Variants in BAG4 observed in about 807,000 individuals in gnomAD.
The protein encoded by BAG4 is BAG cochaperone 4.
A neutral mutation model predicts 52.1 loss-of-function variants in BAG4; 28 were observed. The ratio of observed to expected loss-of-function variants is 0.54; its 90% CI spans 0.40 to 0.74. The LOEUF (loss-of-function observed/expected upper bound fraction) is 0.74. Among genes scored for constraint, BAG4 ranks in the 30% least tolerant of loss-of-function variants. The pLI, the probability that BAG4 is intolerant of heterozygous loss-of-function variation, is 0.00. For synonymous variants in BAG4, 208 were observed against 217.0 expected (o/e 0.96, Z 0.37); for missense variants, 525 against 572.0 (o/e 0.92, Z 0.84).
At chr8:38,209,323 T>G (rs1217951659) in intron 4 of BAG4, 56 bp downstream of exon 4, 1 of 1,606,408 alleles carries the variant, frequency 6.2e-7, no homozygotes, top group South Asian at 1.1e-5. Context: ...GAACATAACA[T>G]GGTTTATATA....
At chr8:38,182,985 A>G (rs4537271) in intron 1 of BAG4, among the ~76,000 whole-genome samples, 35,672 of 149,446 alleles carry the variant, frequency 0.24, 4,438 homozygotes, top group East Asian at 0.31. Context: ...ATACAATTAC[A>G]TAACCACCAC....
chr8:38,195,908 A>AT (rs1420628194), intron 2 of BAG4, among the ~76,000 whole-genome samples: 2 of 152,234 alleles, frequency 1.3e-5, no homozygotes, highest in East Asian at 3.9e-4. Context: ...TTGAAATGTC[A>AT]TTACTCCCTC....
chr8:38,188,769 T>A (rs1803417696), intron 1 of BAG4, among the ~76,000 whole-genome samples: 1 of 151,264 alleles, frequency 6.6e-6, no homozygotes, highest in Non-Finnish European at 1.5e-5. Flanking sequence ...TACTTTAATA[T>A]CAGCTTTTTA....
chr8:38,207,771 G>A lies in BAG4; in HGVS notation c.633+5G>A. On this transcript the variant is annotated splice_donor_5th_base_variant and intron_variant, in intron 3 of 4. Transcript: ENST00000287322. The stretch of plus-strand genomic sequence containing the variant: ...CCAGGATATCCGCCTTCACAGGTGA[G>A]TTGTTTTCTATTGGGAAAAAAATGA... The A allele has an allele frequency of 3.1e-6, 5 of 1,613,388 alleles. No homozygotes were observed. The South Asian group carries it at 5.5e-5, about 18-fold the overall frequency.
chr8:38,186,460 AG>A (rs1209745386), intron 1 of BAG4, among the ~76,000 whole-genome samples: 1 of 152,224 alleles, frequency 6.6e-6, no homozygotes, highest in Non-Finnish European at 1.5e-5. Flanking sequence ...GGAGAAGCTC[AG>A]GAGTGTGGAG....
rs529728815 is a variant in BAG4 at position 38,181,042 on chromosome 8, G to A, written c.270+3903G>A. Among the ~76,000 whole-genome samples the A allele has an allele frequency of 8.6e-5, 13 of 150,770 alleles. No individual in the cohort carries two copies. In the East Asian group the frequency reaches 2.0e-3, roughly 23 times the overall value. On this transcript the variant is annotated intron_variant, in intron 1 of 4. Transcript: ENST00000287322. ...CGCAAGCTCCGCCTCTTGGGTTCAC[G>A]CCCTTCTCCTGCCTCAGCCTCCCGA... is the stretch of plus-strand genomic sequence containing the variant.
intron 1 of BAG4, among the ~76,000 whole-genome samples, chr8:38,186,872 A>G (rs1461428388): frequency 2.0e-5 from 3 of 152,254 alleles, no homozygotes; most frequent in African/African-American, 7.2e-5. Context: ...CTAATGAGCA[A>G]TATCACATAC....
At chr8:38,200,766 T>C (rs987960221) in intron 2 of BAG4, among the ~76,000 whole-genome samples, 1 of 152,008 alleles carries the variant, frequency 6.6e-6, no homozygotes, top group Non-Finnish European at 1.5e-5. Context: ...GCCCGGCTAA[T>C]TTTGTATTTT....
At chr8:38,188,712 T>C (rs1803416812) in intron 1 of BAG4, among the ~76,000 whole-genome samples, 2 of 146,050 alleles carry the variant, frequency 1.4e-5, no homozygotes, top group Non-Finnish European at 3.0e-5. Context: ...TATATGTATA[T>C]ATATATAAAA....
intron 1 of BAG4, among the ~76,000 whole-genome samples, chr8:38,180,715 A>T (rs1432559860): frequency 1.3e-5 from 2 of 151,990 alleles, no homozygotes; most frequent in Admixed American, 1.3e-4. Context: ...ATGGACTAGA[A>T]GCCTCGGTGT....
intron 2 of BAG4, among the ~76,000 whole-genome samples, chr8:38,203,772 C>G (rs1318580638): frequency 6.8e-6 from 1 of 148,130 alleles, no homozygotes; most frequent in Middle Eastern, 3.2e-3. Flanking sequence ...GAGATCTAGG[C>G]TGCAGTGAGC....
intron 2 of BAG4, among the ~76,000 whole-genome samples, chr8:38,196,772 G>A (rs1169757258): frequency 6.6e-6 from 1 of 151,234 alleles, no homozygotes; most frequent in Non-Finnish European, 1.5e-5. Flanking sequence ...CTTGTTTGGA[G>A]AAATGTCTAT....
intron 3 of BAG4, 62 bp from the exon 4 acceptor site, chr8:38,208,951 A>G (rs1803821135): frequency 1.6e-5 from 25 of 1,539,722 alleles, no homozygotes; most frequent in South Asian, 3.7e-5. Flanking sequence ...ATCTGCCTGT[A>G]GCAGAATATT....
chr8:38,194,999 C>T (rs1245798167), intron 2 of BAG4, among the ~76,000 whole-genome samples: 3 of 150,646 alleles, frequency 2.0e-5, no homozygotes, highest in African/African-American at 4.9e-5. Context: ...GGACTACAGG[C>T]GCCCGCCACC....
At chr8:38,205,124 A>G (rs1220657743) in intron 2 of BAG4, among the ~76,000 whole-genome samples, 1 of 151,338 alleles carries the variant, frequency 6.6e-6, no homozygotes, top group Non-Finnish European at 1.5e-5. Context: ...TTGAACTCCT[A>G]GGCTCAAACG....
chr8:38,201,352 C>A (rs953714196), intron 2 of BAG4, among the ~76,000 whole-genome samples: 4 of 152,046 alleles, frequency 2.6e-5, no homozygotes, highest in Non-Finnish European at 4.4e-5. Flanking sequence ...CTTGCTCTAC[C>A]ACCCAGTTCA....
intron 1 of BAG4, among the ~76,000 whole-genome samples, chr8:38,190,235 C>T (rs1803451782): frequency 6.6e-6 from 1 of 152,092 alleles, no homozygotes; most frequent in Admixed American, 6.6e-5. Flanking sequence ...TGTATTTATT[C>T]TATTCTACAA....
rs28546327 is a variant in BAG4, at chr8:38,178,219, C to T, written c.270+1080C>T. On this transcript the variant is annotated intron_variant, in intron 1 of 4. Coordinates refer to ENST00000287322, the MANE Select transcript of BAG4 (RefSeq NM_004874.4). Reference sequence around the variant, plus strand: ...TGCCCAGGCTGGAGTGCAGTGGTGCCATCTCGGCTCACTGCAACCTCCGCC... The same window carrying T: ...TGCCCAGGCTGGAGTGCAGTGGTGCTATCTCGGCTCACTGCAACCTCCGCC... Among the ~76,000 whole-genome samples the T allele has an allele frequency of 6.4e-3, 968 of 151,258 alleles. 9 individuals carry two copies. The highest frequency in any genetic ancestry group is 0.021 in the African/African-American group (872 of 41,166).
At chr8:38,198,041 T>C (rs1260644724) in intron 2 of BAG4, among the ~76,000 whole-genome samples, 1 of 152,084 alleles carries the variant, frequency 6.6e-6, no homozygotes, top group Non-Finnish European at 1.5e-5. Flanking sequence ...TTGACTCTTT[T>C]ATAGTAATAC....
Sources: allele counts gnomAD v4.1 joint callset (sites outside exome capture counted in the v4.1 genomes callset), GRCh38; gene constraint gnomAD v4.1.1; transcripts MANE v1.5; gene names NCBI Gene and HGNC (gene_info 2026-07-23, HGNC 2026-07-21).